Variants in GAPVD1 observed in about 807,000 individuals in gnomAD.
GAPVD1 encodes GTPase activating protein and VPS9 domains 1.
GAPVD1 carries 35 observed loss-of-function variants against 155.5 expected under a neutral mutation model. That is an observed-to-expected ratio of 0.23 (90% CI 0.17 to 0.30). The LOEUF (loss-of-function observed/expected upper bound fraction) is 0.30. Among genes scored for constraint, GAPVD1 ranks in the 10% least tolerant of loss-of-function variants. The pLI is 1.00. For missense variants in GAPVD1, 1,429 were observed against 1,775.7 expected, an observed-to-expected ratio of 0.80 and a Z score of 3.51; for synonymous variants, 636 against 619.7, an observed-to-expected ratio of 1.03 and a Z score of -0.39.
At position 125,350,851 on chromosome 9, in the gene GAPVD1, C is replaced by T. The variant is rs1849193749; in HGVS notation, c.3548C>T (p.Ala1183Val). The change falls in exon 23 of 28, where the codon GCT (alanine) becomes GTT (valine). Residue 1183 changes from alanine (A) to valine (V), a missense_variant. Ala to Val is a moderately conservative substitution (Grantham distance 64). This residue lies in a region of GAPVD1 where 699 missense variants were observed against 826.0 expected (regional missense o/e 0.85). Coordinates refer to ENST00000297933, the MANE Select transcript of GAPVD1 (RefSeq NM_001282680.3). ...AATAGGACTTGTAGGAAACTGCTGG[C>T]TTCGATTGCTGAGGACTACAGGTAA... Reference protein sequence around the residue: ...FDNRTCRKLLASIAEDYRKRA... With the variant: ...FDNRTCRKLLVSIAEDYRKRA... 6.2e-7 allele frequency: 1 copy of T among 1,613,572 alleles called. No homozygotes were observed. Among genetic ancestry groups the T allele is most frequent in the African/African-American group, 1.3e-5 (1 of 74,906 alleles).
At chr9:125,263,815 C>T (rs1022410388) in intron 1 of GAPVD1, 7 of 1,087,070 alleles carry the variant, frequency 6.4e-6, no homozygotes, top group African/African-American at 6.2e-5. Context: ...CTCTGGACAG[C>T]TATGGCGTAG....
At chr9:125,346,667 C>A in intron 19 of GAPVD1, 152 bp from the exon 20 acceptor site, 1 of 706,008 alleles carries the variant, frequency 1.4e-6, no homozygotes, top group Non-Finnish European at 2.6e-6. Flanking sequence ...GATGAGTAGG[C>A]AGCTGCATGG....
At chr9:125,354,369 A>T (rs932294807) in intron 23 of GAPVD1, among the ~76,000 whole-genome samples, 2 of 152,216 alleles carry the variant, frequency 1.3e-5, no homozygotes, top group African/African-American at 4.8e-5. Context: ...AGAGGGGCTT[A>T]GTAACATTTA....
rs572633525 is a variant in GAPVD1, at chr9:125,362,476, A to C, written c.4243-130A>C. Reference sequence around the variant, plus strand: ...AGGGTTCACAGATTACTTCCAAAAAATAACTTTGGGGTTGTTTTCAAAAGG... The same window carrying C: ...AGGGTTCACAGATTACTTCCAAAAACTAACTTTGGGGTTGTTTTCAAAAGG... On this transcript the variant is annotated intron_variant, in intron 27 of 27. Transcript: ENST00000297933. The C allele has an allele frequency of 4.0e-6, 3 of 741,480 alleles. No individual in the cohort carries two copies. The East Asian group carries it at 8.2e-5, about 20-fold the overall frequency. 45.9% of individuals were successfully genotyped at this position (741,480 alleles called of 1,614,324 possible).
chr9:125,266,293 AT>A (rs1833944105), intron 1 of GAPVD1, among the ~76,000 whole-genome samples: 1 of 149,758 alleles, frequency 6.7e-6, no homozygotes. Flanking sequence ...TGCCCGGCTA[AT>A]TTTTATTTTA....
intron 19 of GAPVD1, among the ~76,000 whole-genome samples, chr9:125,345,337 T>C (rs371515502): frequency 2.6e-5 from 4 of 152,210 alleles, no homozygotes; most frequent in Admixed American, 1.3e-4. Flanking sequence ...TGCGCCACCA[T>C]GTCCAGCTAA....
chr9:125,323,709 G>A, intron 10 of GAPVD1, 89 bp from the exon 11 acceptor site: 2 of 1,233,172 alleles, frequency 1.6e-6, no homozygotes, highest in Non-Finnish European at 2.4e-6. Context: ...ACTTTAATCA[G>A]TTGTTAGTCT....
chr9:125,285,434 A>T (rs1422171643), intron 2 of GAPVD1, among the ~76,000 whole-genome samples: 1 of 148,872 alleles, frequency 6.7e-6, no homozygotes, highest in Non-Finnish European at 1.5e-5. Context: ...CATGGGCATA[A>T]TCTATTTCTT....
Position 125,308,136 on chromosome 9 carries a change from G to A in GAPVD1, c.1441+256G>A, listed in dbSNP as rs796988473. On this transcript the variant is annotated intron_variant, in intron 8 of 27. Transcript: ENST00000297933. ...CAGTATACTTTCTTTAAATTTTATT[G>A]TCTTTTCTTGAAAAAATTTTGGAAA... 16 of 541,820 alleles carry A rather than the reference G, an allele frequency of 3.0e-5. No individual in the cohort carries two copies. The South Asian group carries it at 4.2e-4, about 14-fold the overall frequency. 33.6% of individuals were successfully genotyped at this position (541,820 alleles called of 1,614,324 possible). A position where few individuals can be genotyped will look rare whatever the true frequency, so the allele number is the denominator to read the frequency against.
chr9:125,335,233 G>T, intron 15 of GAPVD1: 1 of 767,948 alleles, frequency 1.3e-6, no homozygotes, highest in South Asian at 1.4e-5. Context: ...AAGCAGACAT[G>T]AGAATCCAGC....
At position 125,321,501 on chromosome 9, in the gene GAPVD1, T is replaced by A. The variant is rs749461937; in HGVS notation, c.1671T>A (p.Gly557=). The A allele has an allele frequency of 6.2e-7, 1 of 1,613,118 alleles. No homozygotes were observed. Among genetic ancestry groups the A allele is most frequent in the South Asian group, 1.1e-5 (1 of 91,048 alleles). The change falls in exon 10 of 28, where the codon GGT becomes GGA. Residue 557 remains glycine (G), a synonymous_variant. Coordinates refer to ENST00000297933, the MANE Select transcript of GAPVD1 (RefSeq NM_001282680.3). ...CTGTTGATGAAAACAAACTCCATGG[T>A]AAACCTGATAAAACCTTGCGCTTTT... ...DVPVDENKLH[G]KPDKTLRFSL...
At chr9:125,346,620 T>C (rs1010937484) in intron 19 of GAPVD1, 199 bp from the exon 20 acceptor site, 1 of 613,008 alleles carries the variant, frequency 1.6e-6, no homozygotes, top group Non-Finnish European at 3.0e-6. Flanking sequence ...CTCTTCCCAA[T>C]TTCCTGCTTT....
intron 4 of GAPVD1, among the ~76,000 whole-genome samples, chr9:125,301,149 T>A (rs1840790669): frequency 6.6e-6 from 1 of 152,064 alleles, no homozygotes; most frequent in South Asian, 2.1e-4. Context: ...GAGTCACTGC[T>A]GTCTCAAGCT....
intron 2 of GAPVD1, among the ~76,000 whole-genome samples, chr9:125,278,750 G>T (rs10819044): frequency 0.49 from 73,870 of 150,790 alleles, 18,190 homozygotes; most frequent in Middle Eastern, 0.59. Flanking sequence ...TGGGAAGATT[G>T]CTTGAGCTTG....
At chr9:125,311,030 G>T (rs528644683) in intron 8 of GAPVD1, among the ~76,000 whole-genome samples, 9 of 151,178 alleles carry the variant, frequency 6.0e-5, no homozygotes, top group African/African-American at 2.2e-4. Context: ...TAGTAGAGAC[G>T]GGGTTTCACC....
chr9:125,304,813 A>C (rs969473242), intron 5 of GAPVD1, among the ~76,000 whole-genome samples: 1 of 152,200 alleles, frequency 6.6e-6, no homozygotes, highest in African/African-American at 2.4e-5. Flanking sequence ...CCTAATGTTG[A>C]TATCTTATGT....
In GAPVD1 at chr9:125,355,777, G is replaced by T. The variant is rs907746663; in HGVS notation, c.3891G>T (p.Leu1297=). 5.6e-6 allele frequency: 9 copies of T among 1,613,224 alleles called. No individual in the cohort carries two copies. In the African/African-American group the frequency reaches 1.2e-4, roughly 22 times the overall value. The part of the protein sequence containing the change: ...ASEEQLQDAQ[L]AIERSVMNRI... ...AAGAACAGCTTCAAGATGCACAGCT[G>T]GCCATTGAGCGAAGCGTGATGAACC... The change falls in exon 25 of 28, where the codon CTG becomes CTT. Residue 1297 remains leucine (L), a synonymous_variant. Transcript: ENST00000297933.
rs1345423723 is a variant in GAPVD1 at position 125,293,882 on chromosome 9, A to T, written c.-149-1576A>T. Among the ~76,000 whole-genome samples the T allele has an allele frequency of 5.1e-3, 106 of 20,868 alleles. 8 individuals are homozygous for T. The highest frequency in any genetic ancestry group is 0.018 in the African/African-American group (88 of 5,000). The allele number at this position is 20,868 out of a possible 152,430, so 13.7% of individuals were successfully genotyped here. ...TATATATATATATATATATATATAT[A>T]TATATATATATATATATATATAAGT... On this transcript the variant is annotated intron_variant, in intron 2 of 27. Transcript: ENST00000297933.
At position 125,335,749 on chromosome 9, in the gene GAPVD1, T is replaced by C. The variant is rs1198308594; in HGVS notation, c.2429-1269T>C. Among the ~76,000 whole-genome samples the C allele has an allele frequency of 3.3e-5, 5 of 152,208 alleles. No homozygotes were observed. The East Asian group carries it at 7.7e-4, about 23-fold the overall frequency. On this transcript the variant is annotated intron_variant, in intron 15 of 27. Transcript: ENST00000297933. The stretch of plus-strand genomic sequence containing the variant: ...GACTCTTGTATTACCATTTAATGGG[T>C]ATATTTAAATGAATTAATAAATATT...
Sources: allele counts gnomAD v4.1 joint callset (sites outside exome capture counted in the v4.1 genomes callset), GRCh38; gene constraint gnomAD v4.1.1; regional missense constraint gnomAD v4.1.1; transcripts MANE v1.5; gene names NCBI Gene and HGNC (gene_info 2026-07-23, HGNC 2026-07-21).